Variants in MSI2 observed in about 807,000 individuals in gnomAD.
MSI2 encodes RNA-binding protein Musashi homolog 2.
MSI2 carries 17 observed loss-of-function variants against 45.6 expected under a neutral mutation model. The ratio of observed to expected loss-of-function variants is 0.37; its 90% CI spans 0.26 to 0.56. The LOEUF (loss-of-function observed/expected upper bound fraction) is 0.56. Among genes scored for constraint, MSI2 ranks in the 20% least tolerant of loss-of-function variants. MSI2 has a pLI of 0.77. For synonymous variants in MSI2, 156 were observed against 158.2 expected (o/e 0.99, Z 0.11); for missense variants, 293 against 444.2 (o/e 0.66, Z 3.06).
intron 6 of MSI2, among the ~76,000 whole-genome samples, chr17:57,416,429 T>C (rs2084295541): frequency 6.6e-6 from 1 of 152,236 alleles, no homozygotes; most frequent in Non-Finnish European, 1.5e-5. Context: ...CACATGGGGC[T>C]GGAAGCCGCC....
chr17:57,412,069 T>G (rs1198160886), intron 6 of MSI2, among the ~76,000 whole-genome samples: 1 of 151,664 alleles, frequency 6.6e-6, no homozygotes, highest in Non-Finnish European at 1.5e-5. Context: ...CTGACCTTCC[T>G]CTCTGTCACC....
chr17:57,264,973 A>AC (rs1907646561), intron 5 of MSI2: 1 of 152,030 alleles, frequency 6.6e-6, no homozygotes, highest in Admixed American at 6.5e-5. Flanking sequence ...TTTTGATCTG[A>AC]CCCCTCAGGC....
intron 5 of MSI2, among the ~76,000 whole-genome samples, chr17:57,330,593 C>A (rs1190289777): frequency 6.6e-6 from 1 of 151,854 alleles, no homozygotes; most frequent in Admixed American, 6.6e-5. Context: ...TTAATTAATT[C>A]CTAACTTGTA....
At chr17:57,369,495 A>ACC (rs1191346402) in intron 5 of MSI2, among the ~76,000 whole-genome samples, 1 of 152,078 alleles carries the variant, frequency 6.6e-6, no homozygotes, top group African/African-American at 2.4e-5. Context: ...AGGGAAAGGG[A>ACC]CCCTCCTGTT....
intron 6 of MSI2, among the ~76,000 whole-genome samples, chr17:57,408,407 G>A (rs1209539499): frequency 1.3e-5 from 2 of 152,248 alleles, no homozygotes; most frequent in Non-Finnish European, 2.9e-5. Context: ...AATGCCATGT[G>A]CATTTGCATA....
intron 7 of MSI2, among the ~76,000 whole-genome samples, chr17:57,566,578 G>A (rs767671680): frequency 6.6e-6 from 1 of 152,122 alleles, no homozygotes; most frequent in Non-Finnish European, 1.5e-5. Flanking sequence ...TGTTGGTAGA[G>A]GGCATGTGCA....
At chr17:57,650,937 C>G (rs548890019) in intron 10 of MSI2, among the ~76,000 whole-genome samples, 1 of 152,290 alleles carries the variant, frequency 6.6e-6, no homozygotes, top group East Asian at 1.9e-4. Flanking sequence ...TAAAGTTGAG[C>G]AGCCCTGTTG....
intron 5 of MSI2, chr17:57,364,787 G>C (rs1056990801): frequency 6.6e-6 from 1 of 152,262 alleles, no homozygotes; most frequent in African/African-American, 2.4e-5. Context: ...TTGGGATTGA[G>C]TCTTGTCCTA....
At chr17:57,350,545 T>C (rs2143838584) in intron 5 of MSI2, among the ~76,000 whole-genome samples, 1 of 152,162 alleles carries the variant, frequency 6.6e-6, no homozygotes, top group East Asian at 1.9e-4. Flanking sequence ...TCCTCCCTCC[T>C]CCCCAGCAGG....
At chr17:57,481,111 A>G (rs1233121571) in intron 6 of MSI2, among the ~76,000 whole-genome samples, 3 of 152,214 alleles carry the variant, frequency 2.0e-5, no homozygotes, top group Non-Finnish European at 2.9e-5. Context: ...TAATCTCCCC[A>G]GGCTGTTAAC....
chr17:57,492,534 G>A (rs115579379), intron 6 of MSI2, among the ~76,000 whole-genome samples: 1,978 of 152,284 alleles, frequency 0.013, 62 homozygotes, highest in African/African-American at 0.046. Context: ...AGTACATGGG[G>A]CCTCTTTCCC....
chr17:57,652,295 GGGGAGGGGGTGGACC>G lies in MSI2; in HGVS notation c.790+141_790+155del, dbSNP rs1911219482. 1 of 945,566 alleles carries G rather than the reference GGGGAGGGGGTGGACC, an allele frequency of 1.1e-6. No homozygotes were observed. Among genetic ancestry groups the G allele is most frequent in the Admixed American group, 2.2e-5 (1 of 46,444 alleles). 58.6% of individuals were successfully genotyped at this position (945,566 alleles called of 1,614,324 possible). A position where few individuals can be genotyped will look rare whatever the true frequency, so the allele number is the denominator to read the frequency against. Reference sequence around the variant, plus strand: ...CCACAGCCCCGGGGAGGGGGTGGACGGGGAGGGGGTGGACCGGGAGGCGCGGGCAAGGCCTGGCCA... The same window carrying G: ...CCACAGCCCCGGGGAGGGGGTGGACGGGGAGGCGCGGGCAAGGCCTGGCCA... On this transcript the variant is annotated intron_variant, in intron 11 of 13. Transcript: ENST00000284073. This position sits in a 1 kb window ranked among gnomAD's most constrained non-coding sequence, Gnocchi z 4.1.
At chr17:57,639,771 G>T (rs1265229439) in intron 10 of MSI2, among the ~76,000 whole-genome samples, 1 of 152,206 alleles carries the variant, frequency 6.6e-6, no homozygotes, top group Non-Finnish European at 1.5e-5. Context: ...AACCTGCTTA[G>T]GGATTCTACA....
intron 7 of MSI2, among the ~76,000 whole-genome samples, chr17:57,534,431 A>G (rs1483470255): frequency 6.6e-6 from 1 of 152,152 alleles, no homozygotes; most frequent in Non-Finnish European, 1.5e-5. Flanking sequence ...CCTGGATGCC[A>G]GTCGGCACGA....
intron 5 of MSI2, among the ~76,000 whole-genome samples, chr17:57,383,852 C>T (rs1223923440): frequency 6.6e-6 from 1 of 152,140 alleles, no homozygotes; most frequent in Non-Finnish European, 1.5e-5. Flanking sequence ...ATACAACTAA[C>T]CAGAGACTGC....
intron 5 of MSI2, among the ~76,000 whole-genome samples, chr17:57,316,550 T>A (rs1345903063): frequency 6.6e-6 from 1 of 152,192 alleles, no homozygotes; most frequent in Non-Finnish European, 1.5e-5. Context: ...GGTCGCAAAC[T>A]CCTGGCCTCA....
At position 57,677,002 on chromosome 17, in the gene MSI2, A is replaced by G; in HGVS notation, c.961A>G (p.Thr321Ala). ...GHGIAGPLIA[T>A]AFTNGYH ...GCAATTTTAGGGACCTTTGATTGCA[A>G]CGGCCTTTACAAATGGATACCATTG... Residue 321 changes from threonine (T) to alanine (A), a missense_variant, in exon 13 of 14, where the codon ACG (threonine) becomes GCG (alanine). Coordinates refer to ENST00000284073, the MANE Select transcript of MSI2 (RefSeq NM_138962.4). 1 of 1,613,172 alleles carries G rather than the reference A, an allele frequency of 6.2e-7. No homozygotes were observed. The highest frequency in any genetic ancestry group is 1.1e-5 in the South Asian group (1 of 91,068).
intron 8 of MSI2, among the ~76,000 whole-genome samples, chr17:57,612,894 G>A (rs1270811130): frequency 1.3e-5 from 2 of 152,198 alleles, no homozygotes; most frequent in Non-Finnish European, 2.9e-5. Flanking sequence ...TTGGCTTTGG[G>A]TAATTATCTG....
In MSI2 at chr17:57,257,351, A is replaced by G. The variant is rs78684627; in HGVS notation, c.104-115A>G. 2,985 of 708,304 alleles carry G rather than the reference A, an allele frequency of 4.2e-3. 65 individuals carry two copies. In the African/African-American group the frequency reaches 0.049, roughly 12 times the overall value. 43.9% of individuals were successfully genotyped at this position (708,304 alleles called of 1,614,324 possible). A position where few individuals can be genotyped will look rare whatever the true frequency, so the allele number is the denominator to read the frequency against. Reference sequence around the variant, plus strand: ...CGCGTGTGCAAAAAATGCAAAAACAAAACAGAATAACAACAGAAAACTACT... The same window carrying G: ...CGCGTGTGCAAAAAATGCAAAAACAGAACAGAATAACAACAGAAAACTACT... On this transcript the variant is annotated intron_variant, in intron 2 of 13. Transcript: ENST00000284073.
Sources: allele counts gnomAD v4.1 joint callset (sites outside exome capture counted in the v4.1 genomes callset), GRCh38; gene constraint gnomAD v4.1.1; non-coding constraint Gnocchi (gnomAD v3.1); transcripts MANE v1.5; gene names NCBI Gene and HGNC (gene_info 2026-07-23, HGNC 2026-07-21).